The following HPSE2 variants were observed in gnomAD, a reference collection of about 807,000 sequenced individuals.
The protein encoded by HPSE2 is heparanase 2 (inactive), also known as inactive heparanase-2.
Under a neutral mutation model 60.5 loss-of-function variants are expected in HPSE2, and 38 were observed. The observed-to-expected ratio is 0.63, with a 90% confidence interval of 0.48 to 0.82. The LOEUF is 0.82. Ranked by LOEUF, HPSE2 falls within the 40% of genes least tolerant of loss-of-function variation. The pLI, the probability that HPSE2 is intolerant of heterozygous loss-of-function variation, is 0.00. For synonymous variants in HPSE2, 295 were observed against 293.2 expected (o/e 1.01, Z -0.06); for missense variants, 713 against 740.4 (o/e 0.96, Z 0.43).
chr10:98,944,522 T>TA (rs1468349561), intron 3 of HPSE2, among the ~76,000 whole-genome samples: 1 of 152,298 alleles, frequency 6.6e-6, no homozygotes, highest in South Asian at 2.1e-4. Context: ...AAGCTATTGG[T>TA]AGCGCACCTT....
chr10:98,855,522 T>C (rs1471555135), intron 3 of HPSE2, among the ~76,000 whole-genome samples: 2 of 151,996 alleles, frequency 1.3e-5, no homozygotes, highest in Admixed American at 6.5e-5. Flanking sequence ...ACAGGAAATA[T>C]ACCCTATGAC....
chr10:98,843,678 C>G (rs1373553914), intron 3 of HPSE2, among the ~76,000 whole-genome samples: 1 of 152,180 alleles, frequency 6.6e-6, no homozygotes, highest in Non-Finnish European at 1.5e-5. Context: ...AACATCACCT[C>G]TCATGAAAAA....
Position 98,458,869 on chromosome 10 carries a change from G to A in HPSE2, c.*705C>T, listed in dbSNP as rs1365736435. Reference sequence around the variant, plus strand: ...TCTGGGGGAATCTGGATTCACAGAGGAATAGAACCTTCTTACCAAATCTGG... The same window carrying A: ...TCTGGGGGAATCTGGATTCACAGAGAAATAGAACCTTCTTACCAAATCTGG... On this transcript the variant is annotated 3_prime_UTR_variant, in exon 12 of 12. Coordinates refer to ENST00000370552, the MANE Select transcript of HPSE2 (RefSeq NM_021828.5). 6.4e-6 allele frequency: 1 copy of A among 155,830 alleles called. No homozygotes were observed. Among genetic ancestry groups the A allele is most frequent in the Non-Finnish European group, 1.4e-5 (1 of 70,222 alleles). 9.7% of individuals were successfully genotyped at this position (155,830 alleles called of 1,614,324 possible). A position where few individuals can be genotyped will look rare whatever the true frequency, so the allele number is the denominator to read the frequency against.
At chr10:99,116,324 T>C (rs1463306519) in intron 3 of HPSE2, among the ~76,000 whole-genome samples, 7 of 152,122 alleles carry the variant, frequency 4.6e-5, no homozygotes, top group African/African-American at 7.2e-5. Context: ...CAAGGGCCCA[T>C]TATGATTCCT....
intron 6 of HPSE2, among the ~76,000 whole-genome samples, chr10:98,693,157 G>A (rs1948122982): frequency 1.3e-5 from 2 of 152,194 alleles, no homozygotes; most frequent in South Asian, 4.1e-4. Flanking sequence ...CACCACATTA[G>A]ACAAGAGATG....
intron 3 of HPSE2, among the ~76,000 whole-genome samples, chr10:99,061,356 CA>C (rs1311732246): frequency 6.6e-6 from 1 of 152,172 alleles, no homozygotes; most frequent in Non-Finnish European, 1.5e-5. Flanking sequence ...GTTACTCTCT[CA>C]AAATTTTCCA....
intron 6 of HPSE2, among the ~76,000 whole-genome samples, chr10:98,684,573 T>C (rs1218887385): frequency 6.6e-6 from 1 of 152,140 alleles, no homozygotes; most frequent in Non-Finnish European, 1.5e-5. Context: ...AGATATAAAC[T>C]CTTGGAGGAT....
intron 3 of HPSE2, among the ~76,000 whole-genome samples, chr10:99,135,172 C>G (rs1845597224): frequency 6.7e-6 from 1 of 150,216 alleles, no homozygotes; most frequent in South Asian, 2.2e-4. Flanking sequence ...GTTAACTATC[C>G]TAAATATATA....
At chr10:98,729,249 C>T (rs942163899) in intron 4 of HPSE2, among the ~76,000 whole-genome samples, 1 of 152,020 alleles carries the variant, frequency 6.6e-6, no homozygotes, top group African/African-American at 2.4e-5. Flanking sequence ...AAAATAGATC[C>T]TAATATGAGA....
chr10:98,627,748 T>C (rs548570330), intron 7 of HPSE2, among the ~76,000 whole-genome samples: 32 of 152,198 alleles, frequency 2.1e-4, no homozygotes, highest in Non-Finnish European at 4.3e-4. Flanking sequence ...CACTTAGAGG[T>C]GTAAACCAAA....
chr10:98,582,876 A>G (rs906829410), intron 9 of HPSE2, among the ~76,000 whole-genome samples: 2 of 152,192 alleles, frequency 1.3e-5, no homozygotes, highest in Non-Finnish European at 2.9e-5. Context: ...AAGAAATTCC[A>G]TAACTATTCA....
intron 9 of HPSE2, among the ~76,000 whole-genome samples, chr10:98,593,719 G>A (rs1945153984): frequency 6.6e-6 from 1 of 152,204 alleles, no homozygotes; most frequent in African/African-American, 2.4e-5. Context: ...AGTGATCTCT[G>A]GGTAAATTAC....
the HPSE2 span, among the ~76,000 whole-genome samples, chr10:99,286,004 C>A: frequency 6.6e-6 from 1 of 152,086 alleles, no homozygotes; most frequent in African/African-American, 2.4e-5. Flanking sequence ...AAATGCAAAT[C>A]AAAACCACAA....
chr10:99,315,336 T>C, the HPSE2 span, among the ~76,000 whole-genome samples: 2 of 152,376 alleles, frequency 1.3e-5, no homozygotes, highest in East Asian at 3.8e-4. Flanking sequence ...ATTACTGTGC[T>C]TTGTGATTGT....
intron 3 of HPSE2, among the ~76,000 whole-genome samples, chr10:98,995,271 C>T (rs1198298495): frequency 6.6e-6 from 1 of 152,128 alleles, no homozygotes; most frequent in Non-Finnish European, 1.5e-5. Flanking sequence ...TTGTATTTAC[C>T]ATCTTTAAGC....
At chr10:99,266,796 G>A in the HPSE2 span, among the ~76,000 whole-genome samples, 4 of 152,168 alleles carry the variant, frequency 2.6e-5, no homozygotes, top group African/African-American at 9.7e-5. Flanking sequence ...CCATGGCTGA[G>A]AGACCTGAAG....
chr10:99,202,860 A>G (rs1335621175), intron 2 of HPSE2, among the ~76,000 whole-genome samples: 11 of 152,118 alleles, frequency 7.2e-5, no homozygotes, highest in Admixed American at 7.2e-4. Context: ...GACATACTGA[A>G]GAGAATAAGA....
the HPSE2 span, among the ~76,000 whole-genome samples, chr10:99,248,861 C>T: frequency 6.6e-6 from 1 of 152,210 alleles, no homozygotes; most frequent in African/African-American, 2.4e-5. Flanking sequence ...AAAAGAGCCC[C>T]AGATAGGTCT....
intron 2 of HPSE2, among the ~76,000 whole-genome samples, chr10:99,182,031 C>A (rs542476939): frequency 6.6e-6 from 1 of 152,176 alleles, no homozygotes; most frequent in African/African-American, 2.4e-5. Flanking sequence ...CCTCCTGACA[C>A]CTTAATCTTA....
Sources: gnomAD v4.1 joint callset for allele counts (sites outside exome capture counted in the v4.1 genomes callset) on GRCh38, gnomAD v4.1.1 for gene constraint, MANE v1.5 for transcripts, NCBI Gene and HGNC (gene_info 2026-07-23, HGNC 2026-07-21) for gene names.